The following PDE8A variants were observed in gnomAD, a reference collection of about 807,000 sequenced individuals.
The protein encoded by PDE8A is high affinity cAMP-specific and IBMX-insensitive 3',5'-cyclic phosphodiesterase 8A.
Under a neutral mutation model 105.0 loss-of-function variants are expected in PDE8A, and 59 were observed. The observed-to-expected ratio is 0.56, with a 90% CI of 0.46 to 0.70. The LOEUF (loss-of-function observed/expected upper bound fraction) is 0.70. PDE8A is among the 30% of genes least tolerant of loss of function. The probability of loss-of-function intolerance (pLI) is 0.00; values close to 1 mark genes in which losing one functional copy is unlikely to be tolerated. For missense variants in PDE8A, 1,014 were observed against 1,045.9 expected, an observed-to-expected ratio of 0.97 and a Z score of 0.42; for synonymous variants, 355 against 371.9, an observed-to-expected ratio of 0.95 and a Z score of 0.52.
chr15:85,024,018 C>CAAAA (rs3042742), intron 1 of PDE8A, among the ~76,000 whole-genome samples: 81 of 150,850 alleles, frequency 5.4e-4, no homozygotes, highest in Non-Finnish European at 8.9e-4. Flanking sequence ...CTCAGATTTC[C>CAAAA]AAAAAAAAGT....
intron 6 of PDE8A, 98 bp from the exon 7 acceptor site, chr15:85,089,240 A>G: frequency 1.4e-6 from 1 of 711,924 alleles, no homozygotes; most frequent in Non-Finnish European, 2.4e-6. Flanking sequence ...TCCCTTCCTT[A>G]TAAATCGGAC....
intron 1 of PDE8A, among the ~76,000 whole-genome samples, chr15:84,983,110 T>C (rs1290953883): frequency 6.6e-6 from 1 of 152,232 alleles, no homozygotes; most frequent in East Asian, 1.9e-4. Flanking sequence ...TGTCAAAGTT[T>C]CTGGGCTTAG....
At chr15:85,083,529 C>T in intron 5 of PDE8A, 27 bp from the exon 6 acceptor site, 1 of 1,401,662 alleles carries the variant, frequency 7.1e-7, no homozygotes, top group Non-Finnish European at 1.0e-6. Context: ...TTTTGTTTAT[C>T]CACAAAATTC....
At chr15:85,035,295 G>A (rs1416764690) in intron 1 of PDE8A, among the ~76,000 whole-genome samples, 2 of 125,526 alleles carry the variant, frequency 1.6e-5, no homozygotes, top group African/African-American at 6.0e-5. Context: ...TGCAACCTCC[G>A]CCTACCAGGT....
intron 1 of PDE8A, among the ~76,000 whole-genome samples, chr15:85,002,112 C>T (rs2080076821): frequency 1.3e-5 from 2 of 152,104 alleles, no homozygotes; most frequent in South Asian, 4.2e-4. Context: ...TGGACACCAG[C>T]TTGGGTGCCC....
intron 1 of PDE8A, among the ~76,000 whole-genome samples, chr15:85,043,526 C>T (rs1373053869): frequency 6.6e-6 from 1 of 152,118 alleles, no homozygotes; most frequent in African/African-American, 2.4e-5. Flanking sequence ...TCTCATTTTT[C>T]TATGGGTTAA....
chr15:85,087,103 T>G (rs12911330), intron 6 of PDE8A, among the ~76,000 whole-genome samples: 20,871 of 151,430 alleles, frequency 0.14, 1,866 homozygotes, highest in Middle Eastern at 0.24. Context: ...TATCTCCTGG[T>G]TTTTTTTACA....
chr15:85,081,038 C>A (rs912345928), intron 5 of PDE8A, among the ~76,000 whole-genome samples: 2 of 152,186 alleles, frequency 1.3e-5, no homozygotes, highest in South Asian at 2.1e-4. Context: ...CATCCAGAGT[C>A]TCTTACTTTT....
chr15:85,127,252 CT>C (rs1400107621), intron 20 of PDE8A, among the ~76,000 whole-genome samples: 2 of 152,178 alleles, frequency 1.3e-5, no homozygotes, highest in African/African-American at 4.8e-5. Flanking sequence ...TGAATACATT[CT>C]TAAGATTGGA....
At chr15:85,025,604 G>A (rs1401915926) in intron 1 of PDE8A, among the ~76,000 whole-genome samples, 1 of 152,108 alleles carries the variant, frequency 6.6e-6, no homozygotes, top group Non-Finnish European at 1.5e-5. Context: ...TTTTTAGACT[G>A]CTAATCCTTA....
chr15:85,138,990 A>G lies in PDE8A; in HGVS notation c.*1087A>G, dbSNP rs1181655301. The G allele has an allele frequency of 6.6e-6, 1 of 152,216 alleles. No individual in the cohort carries two copies. Among genetic ancestry groups the G allele is most frequent in the Non-Finnish European group, 1.5e-5 (1 of 68,044 alleles). The allele number at this position is 152,216 out of a possible 1,614,324, so 9.4% of individuals were successfully genotyped here. On this transcript the variant is annotated 3_prime_UTR_variant, in exon 22 of 22. Coordinates refer to ENST00000394553, the MANE Select transcript of PDE8A (RefSeq NM_002605.3). ...TGGGAATCTTTGATGCCAGAAATTT[A>G]TAAAGAGGTTCTGTATCTTCACACC...
At chr15:84,982,404 C>T in intron 1 of PDE8A, 56 bp downstream of exon 1, 2 of 1,197,678 alleles carry the variant, frequency 1.7e-6, no homozygotes, top group Non-Finnish European at 2.1e-6. Flanking sequence ...GGCCAGTAAG[C>T]AACTTTCCCG....
chr15:85,055,792 C>A (rs1228260276), intron 1 of PDE8A, among the ~76,000 whole-genome samples: 1 of 152,118 alleles, frequency 6.6e-6, no homozygotes, highest in Non-Finnish European at 1.5e-5. Flanking sequence ...TTAATTGGAG[C>A]ATTTAGCCCA....
intron 6 of PDE8A, among the ~76,000 whole-genome samples, chr15:85,085,898 G>A (rs747210188): frequency 2.0e-5 from 3 of 151,354 alleles, no homozygotes; most frequent in Non-Finnish European, 2.9e-5. Flanking sequence ...TGTCATCCCA[G>A]CTACTTGGGA....
At chr15:85,020,493 A>G (rs977754884) in intron 1 of PDE8A, among the ~76,000 whole-genome samples, 4 of 152,196 alleles carry the variant, frequency 2.6e-5, no homozygotes, top group African/African-American at 9.7e-5. Flanking sequence ...AATCCCAGCT[A>G]CTTGGCAGGC....
At chr15:85,093,190 A>T (rs750766293) in intron 8 of PDE8A, among the ~76,000 whole-genome samples, 54 of 152,336 alleles carry the variant, frequency 3.5e-4, no homozygotes, top group Middle Eastern at 6.8e-3. Flanking sequence ...GGTGTGAGCC[A>T]CTGCAGCTGG....
chr15:85,054,503 G>A (rs1210892072), intron 1 of PDE8A, among the ~76,000 whole-genome samples: 1 of 152,126 alleles, frequency 6.6e-6, no homozygotes, highest in Non-Finnish European at 1.5e-5. Context: ...GCCTGTTATT[G>A]GTCTATTCAG....
intron 11 of PDE8A, among the ~76,000 whole-genome samples, chr15:85,106,023 G>C (rs180932848): frequency 2.0e-4 from 30 of 152,304 alleles, no homozygotes; most frequent in African/African-American, 6.0e-4. Flanking sequence ...GGGGAGCAGT[G>C]AGCTTAGCAG....
chr15:85,022,262 G>C (rs2080438636), intron 1 of PDE8A, among the ~76,000 whole-genome samples: 1 of 152,102 alleles, frequency 6.6e-6, no homozygotes, highest in Admixed American at 6.5e-5. Context: ...CTCAGCATTG[G>C]TCCAAAGACA....
Sources: allele counts gnomAD v4.1 joint callset (sites outside exome capture counted in the v4.1 genomes callset), GRCh38; gene constraint gnomAD v4.1.1; transcripts MANE v1.5; gene names NCBI Gene and HGNC (gene_info 2026-07-23, HGNC 2026-07-21).